TFDP2: variants seen among roughly 807,000 people sequenced by gnomAD.
TFDP2 encodes the protein transcription factor Dp-2, also known as transcription factor Dp-2 (E2F dimerization partner 2).
In TFDP2, 17 loss-of-function variants were observed where a neutral mutation model predicts 59.3. That is an observed-to-expected ratio of 0.29 (90% CI 0.20 to 0.43). The LOEUF (loss-of-function observed/expected upper bound fraction) is 0.43. TFDP2 is among the 20% of genes least tolerant of loss of function. The pLI is 1.00. For missense variants in TFDP2, 391 were observed against 528.8 expected (o/e 0.74, Z 2.56); for synonymous variants, 180 against 194.7 (o/e 0.92, Z 0.63).
intron 1 of TFDP2, among the ~76,000 whole-genome samples, chr3:142,115,394 C>G (rs1250504948): frequency 6.6e-6 from 1 of 151,126 alleles, no homozygotes; most frequent in African/African-American, 2.4e-5. Context: ...TCTCGGCTCA[C>G]TGCAAGCTCC....
intron 11 of TFDP2, among the ~76,000 whole-genome samples, chr3:141,956,595 T>C (rs1339525805): frequency 6.6e-6 from 1 of 151,622 alleles, no homozygotes; most frequent in Non-Finnish European, 1.5e-5. Context: ...GAGGAAGACA[T>C]ACAAATAGTC....
In TFDP2 at chr3:142,121,080, G is replaced by A. The variant is rs1268508819; in HGVS notation, c.-92-19239C>T. Among the ~76,000 whole-genome samples the A allele has an allele frequency of 3.3e-5, 5 of 151,998 alleles. No homozygotes were observed. Among genetic ancestry groups the A allele is most frequent in the East Asian group, 1.9e-4 (1 of 5,178 alleles). Reference sequence around the variant, plus strand: ...ATGATGACAGAGAAAAGAACTAGACGTGTGTGTGCCAGCTTTAAGGTATGG... The same window carrying A: ...ATGATGACAGAGAAAAGAACTAGACATGTGTGTGCCAGCTTTAAGGTATGG... On this transcript the variant is annotated intron_variant, in intron 1 of 12. Transcript: ENST00000489671. This position sits in a 1 kb window ranked among gnomAD's most constrained non-coding sequence, Gnocchi z 4.3.
intron 1 of TFDP2, among the ~76,000 whole-genome samples, chr3:142,139,038 T>A (rs1328012491): frequency 6.6e-6 from 1 of 152,234 alleles, no homozygotes; most frequent in Non-Finnish European, 1.5e-5. Flanking sequence ...GCTTTATGAA[T>A]CTGGGTGCTC....
intron 3 of TFDP2, among the ~76,000 whole-genome samples, chr3:142,020,173 C>T (rs1372734326): frequency 6.6e-6 from 1 of 152,108 alleles, no homozygotes; most frequent in African/African-American, 2.4e-5. Context: ...ATATATGCCA[C>T]TGAAAACAAA....
At chr3:142,050,807 C>T (rs746809731) in intron 3 of TFDP2, among the ~76,000 whole-genome samples, 11 of 152,006 alleles carry the variant, frequency 7.2e-5, no homozygotes, top group Non-Finnish European at 1.5e-4. Context: ...GAAATCACTC[C>T]ACTGCACTCC....
intron 9 of TFDP2, among the ~76,000 whole-genome samples, chr3:141,967,563 G>T (rs1176924760): frequency 2.6e-5 from 4 of 152,104 alleles, no homozygotes; most frequent in Admixed American, 1.3e-4. Flanking sequence ...CAAAGTGCTG[G>T]GATTACATGC....
intron 3 of TFDP2, among the ~76,000 whole-genome samples, chr3:142,026,814 C>G (rs1946131210): frequency 6.6e-6 from 1 of 152,188 alleles, no homozygotes; most frequent in African/African-American, 2.4e-5. Context: ...ACTCTTCATT[C>G]CTACTCTTTT....
chr3:142,042,089 T>C (rs796641720), intron 3 of TFDP2, among the ~76,000 whole-genome samples: 5 of 152,340 alleles, frequency 3.3e-5, no homozygotes, highest in African/African-American at 1.2e-4. Flanking sequence ...AATCAGGTAA[T>C]GTGAGTCTTA....
chr3:141,970,915 A>G (rs1939630079), intron 8 of TFDP2, among the ~76,000 whole-genome samples: 1 of 151,956 alleles, frequency 6.6e-6, no homozygotes, highest in African/African-American at 2.4e-5. Context: ...TACAAAAGCC[A>G]GGTGTGGTGG....
chr3:142,007,635 C>T (rs556304158), intron 3 of TFDP2, among the ~76,000 whole-genome samples: 1 of 152,240 alleles, frequency 6.6e-6, no homozygotes, highest in South Asian at 2.1e-4. Context: ...TTATACAAAT[C>T]ATCACAATGT....
At chr3:142,104,433 T>C (rs112692053) in intron 1 of TFDP2, among the ~76,000 whole-genome samples, 1 of 152,276 alleles carries the variant, frequency 6.6e-6, no homozygotes, top group African/African-American at 2.4e-5. Context: ...CTAATAGATC[T>C]GAAACATCTC....
At chr3:142,027,485 TCCC>T (rs1211004528) in intron 3 of TFDP2, among the ~76,000 whole-genome samples, 6 of 150,484 alleles carry the variant, frequency 4.0e-5, no homozygotes, top group African/African-American at 1.5e-4. Flanking sequence ...TGACCTCCTC[TCCC>T]TCTCCCTCTC....
chr3:142,040,785 T>C (rs1946923697), intron 3 of TFDP2, among the ~76,000 whole-genome samples: 1 of 152,160 alleles, frequency 6.6e-6, no homozygotes, highest in South Asian at 2.1e-4. Flanking sequence ...ACACTTGTAC[T>C]CTCAGCTACT....
intron 6 of TFDP2, among the ~76,000 whole-genome samples, chr3:141,984,616 G>A (rs894694091): frequency 6.6e-6 from 1 of 152,174 alleles, no homozygotes; most frequent in Non-Finnish European, 1.5e-5. Flanking sequence ...TTGCTTCATG[G>A]GGACAGAGTT....
chr3:141,960,159 A>G (rs1249814250), intron 10 of TFDP2, among the ~76,000 whole-genome samples: 1 of 152,224 alleles, frequency 6.6e-6, no homozygotes, highest in African/African-American at 2.4e-5. Flanking sequence ...CTTTGCCACA[A>G]AAGAAAAGCC....
chr3:142,089,374 A>G (rs1018687761), intron 3 of TFDP2, among the ~76,000 whole-genome samples: 3 of 152,200 alleles, frequency 2.0e-5, no homozygotes, highest in Non-Finnish European at 4.4e-5. Flanking sequence ...ATTAATGAAA[A>G]TTGTCATATG....
intron 4 of TFDP2, among the ~76,000 whole-genome samples, chr3:142,003,986 G>A (rs1360602175): frequency 6.6e-6 from 1 of 152,186 alleles, no homozygotes; most frequent in Non-Finnish European, 1.5e-5. Flanking sequence ...AAAAATTTGA[G>A]TATGTTTAAT....
intron 3 of TFDP2, among the ~76,000 whole-genome samples, chr3:142,057,178 C>T (rs1441452251): frequency 6.6e-6 from 1 of 152,102 alleles, no homozygotes; most frequent in Non-Finnish European, 1.5e-5. Flanking sequence ...CTCCCACCAG[C>T]AGGAGGTCTG....
chr3:142,058,451 C>T (rs1474659508), intron 3 of TFDP2, among the ~76,000 whole-genome samples: 8 of 151,908 alleles, frequency 5.3e-5, no homozygotes, highest in Admixed American at 5.2e-4. Flanking sequence ...ACTAAGAGGT[C>T]AGTCCCATAA....
Sources: gnomAD v4.1 joint callset for allele counts (sites outside exome capture counted in the v4.1 genomes callset) on GRCh38, gnomAD v4.1.1 for gene constraint, Gnocchi (gnomAD v3.1) non-coding constraint, MANE v1.5 for transcripts, NCBI Gene and HGNC (gene_info 2026-07-23, HGNC 2026-07-21) for gene names.